The following DPP10 variants were observed in gnomAD, a reference collection of about 807,000 sequenced individuals.
DPP10 encodes the protein dipeptidyl peptidase like 10, also known as inactive dipeptidyl peptidase 10.
DPP10 carries 33 observed loss-of-function variants against 120.9 expected under a neutral mutation model. The observed-to-expected ratio is 0.27, with a 90% CI of 0.21 to 0.37. The LOEUF is 0.37. DPP10 is among the 10% of genes least tolerant of loss of function. The pLI, the probability that DPP10 is intolerant of heterozygous loss-of-function variation, is 1.00. For missense variants in DPP10, 816 were observed against 942.8 expected, an observed-to-expected ratio of 0.87 and a Z score of 1.76; for synonymous variants, 337 against 326.1, an observed-to-expected ratio of 1.03 and a Z score of -0.36.
intron 3 of DPP10, among the ~76,000 whole-genome samples, chr2:115,384,468 GGAAGAAGAAGGAAGAAGAA>G (rs2066711891): frequency 6.8e-6 from 1 of 146,620 alleles, no homozygotes; most frequent in African/African-American, 2.5e-5. Flanking sequence ...GGAAGAAGAA[GGAAGAAGAAGGAAGAAGAA>G]GAAGAAGAGG....
At chr2:115,488,733 G>C (rs1006980928) in intron 3 of DPP10, among the ~76,000 whole-genome samples, 7 of 124,250 alleles carry the variant, frequency 5.6e-5, no homozygotes, top group Admixed American at 5.0e-4. Context: ...ACTGTGGTGG[G>C]GTCGGGGGAG....
At chr2:114,576,263 C>G (rs1052012206) in intron 1 of DPP10, among the ~76,000 whole-genome samples, 2 of 152,068 alleles carry the variant, frequency 1.3e-5, no homozygotes, top group South Asian at 4.1e-4. Context: ...ATCCAGGGAC[C>G]AGTAATAGTG....
intron 9 of DPP10, among the ~76,000 whole-genome samples, chr2:115,740,152 A>G (rs1416223249): frequency 1.3e-5 from 2 of 151,746 alleles, no homozygotes; most frequent in East Asian, 1.9e-4. Context: ...ATTTTTTCAC[A>G]CCTTACAGTT....
chr2:115,022,466 GAAC>G (rs1371057098), intron 1 of DPP10, among the ~76,000 whole-genome samples: 6 of 151,820 alleles, frequency 4.0e-5, no homozygotes, highest in African/African-American at 1.4e-4. Context: ...GGACGTGAAA[GAAC>G]AACAACAAAA....
At chr2:114,478,876 A>G (rs1318878736) in intron 1 of DPP10, among the ~76,000 whole-genome samples, 1 of 152,042 alleles carries the variant, frequency 6.6e-6, no homozygotes, top group East Asian at 1.9e-4. Flanking sequence ...GCATGTACAG[A>G]ATCTGTATGC....
intron 9 of DPP10, among the ~76,000 whole-genome samples, chr2:115,743,491 A>G (rs1308612715): frequency 6.6e-6 from 1 of 152,214 alleles, no homozygotes; most frequent in African/African-American, 2.4e-5. Context: ...GAAAGATCTA[A>G]TTTAATTTAA....
At position 114,501,214 on chromosome 2, in the gene DPP10, GTC is replaced by G. The variant is rs369688277; in HGVS notation, c.60+58379_60+58380del. Among the ~76,000 whole-genome samples the G allele has an allele frequency of 5.8e-3, 890 of 152,150 alleles. 5 individuals are homozygous for G. Among genetic ancestry groups the G allele is most frequent in the African/African-American group, 0.02 (847 of 41,498 alleles). On this transcript the variant is annotated intron_variant, in intron 1 of 25. Coordinates refer to ENST00000410059, the MANE Select transcript of DPP10 (RefSeq NM_020868.6). The stretch of plus-strand genomic sequence containing the variant: ...CAGGCTACTATCTTTACCTCCATTT[GTC>G]TCAGCTGGCACCTCCTTAAAGCAAA...
At chr2:115,697,563 A>G (rs1312490797) in intron 7 of DPP10, among the ~76,000 whole-genome samples, 2 of 150,676 alleles carry the variant, frequency 1.3e-5, no homozygotes, top group Non-Finnish European at 3.0e-5. Flanking sequence ...AAAGCTAAAA[A>G]TGAATATAAT....
At chr2:115,640,097 T>C (rs2086658563) in intron 5 of DPP10, among the ~76,000 whole-genome samples, 1 of 152,088 alleles carries the variant, frequency 6.6e-6, no homozygotes, top group South Asian at 2.1e-4. Flanking sequence ...CCTTTGAGTG[T>C]TGAATGGAGT....
rs35526958 is a variant in DPP10, at chr2:115,674,242, GTAAA to G, written c.442-15420_442-15417del. 1.7e-3 allele frequency among the ~76,000 whole-genome samples: 255 copies of G among 149,002 alleles called. 1 individual carries two copies. Among genetic ancestry groups the G allele is most frequent in the Non-Finnish European group, 2.5e-3 (166 of 67,226 alleles). On this transcript the variant is annotated intron_variant, in intron 5 of 25. Coordinates refer to ENST00000410059, the MANE Select transcript of DPP10 (RefSeq NM_020868.6). Reference sequence around the variant, plus strand: ...CTCCATCTCACAAAAAAATAAATGAGTAAATAAATAAATAAATAAATAAATAAAG... The same window carrying G: ...CTCCATCTCACAAAAAAATAAATGAGTAAATAAATAAATAAATAAATAAAG...
chr2:115,598,299 C>T (rs192452529), intron 5 of DPP10, among the ~76,000 whole-genome samples: 10 of 151,944 alleles, frequency 6.6e-5, no homozygotes, highest in Middle Eastern at 3.4e-3. Context: ...TTACTGGTTT[C>T]TATGATGGTC....
intron 1 of DPP10, among the ~76,000 whole-genome samples, chr2:114,672,198 A>G (rs1698388753): frequency 6.6e-6 from 1 of 152,196 alleles, no homozygotes; most frequent in Non-Finnish European, 1.5e-5. Context: ...GATCAATTAC[A>G]TGGATGTAGA....
At chr2:115,797,450 C>CAA (rs1281253741) in intron 19 of DPP10, among the ~76,000 whole-genome samples, 1 of 151,934 alleles carries the variant, frequency 6.6e-6, no homozygotes, top group African/African-American at 2.4e-5. Flanking sequence ...CAGTTTCTTG[C>CAA]AAAAATAGTA....
chr2:115,597,509 A>C (rs897524810), intron 5 of DPP10, among the ~76,000 whole-genome samples: 9 of 150,994 alleles, frequency 6.0e-5, no homozygotes, highest in Non-Finnish European at 1.2e-4. Context: ...AAAAAGAGAA[A>C]AAACATAAAG....
intron 1 of DPP10, among the ~76,000 whole-genome samples, chr2:114,891,068 ATT>A (rs59623905): frequency 6.8e-6 from 1 of 147,740 alleles, no homozygotes; most frequent in African/African-American, 2.5e-5. Context: ...ATGAAAACTG[ATT>A]TTTTTTTTTT....
intron 1 of DPP10, among the ~76,000 whole-genome samples, chr2:114,866,015 G>T (rs1341699172): frequency 6.6e-6 from 1 of 151,982 alleles, no homozygotes; most frequent in African/African-American, 2.4e-5. Context: ...AGGAGGCTGA[G>T]GCAGGAGAAT....
intron 1 of DPP10, among the ~76,000 whole-genome samples, chr2:114,948,874 T>A (rs1697562343): frequency 6.6e-6 from 1 of 151,838 alleles, no homozygotes; most frequent in South Asian, 2.1e-4. Context: ...AGCAAGCACC[T>A]CCTTCACAAG....
chr2:114,719,288 C>T lies in DPP10; in HGVS notation c.60+276450C>T, dbSNP rs577625406. Among the ~76,000 whole-genome samples the T allele has an allele frequency of 6.6e-5, 10 of 152,294 alleles. No individual in the cohort carries two copies. In the South Asian group the frequency reaches 2.1e-3, roughly 32 times the overall value. On this transcript the variant is annotated intron_variant, in intron 1 of 25. Transcript: ENST00000410059. The stretch of plus-strand genomic sequence containing the variant: ...TAGGCATTCCTTCTTCATTTTTCCT[C>T]ATTTGGCTTGCTACTGAGGTGTCAG...
chr2:114,969,572 A>T (rs1013767652), intron 1 of DPP10, among the ~76,000 whole-genome samples: 4 of 152,170 alleles, frequency 2.6e-5, no homozygotes, highest in Non-Finnish European at 2.9e-5. Context: ...AATCTGCTTG[A>T]CTTCTTGAAA....
Sources: allele counts gnomAD v4.1 joint callset (sites outside exome capture counted in the v4.1 genomes callset), GRCh38; gene constraint gnomAD v4.1.1; transcripts MANE v1.5; gene names NCBI Gene and HGNC (gene_info 2026-07-23, HGNC 2026-07-21).